Variants in RORA observed in about 807,000 individuals in gnomAD.
RORA encodes nuclear receptor ROR-alpha.
RORA carries 7 observed loss-of-function variants against 69.5 expected under a neutral mutation model. That is an observed-to-expected ratio of 0.10 (90% confidence interval 0.06 to 0.19). The LOEUF (loss-of-function observed/expected upper bound fraction) is 0.19. Ranked by LOEUF, RORA falls within the 10% of genes least tolerant of loss-of-function variation. RORA has a pLI of 1.00. For synonymous variants in RORA, 261 were observed against 240.8 expected (o/e 1.08, Z -0.78); for missense variants, 457 against 663.0 (o/e 0.69, Z 3.41).
intron 1 of RORA, among the ~76,000 whole-genome samples, chr15:60,718,464 C>CA (rs1193180186): frequency 6.6e-6 from 1 of 152,170 alleles, no homozygotes; most frequent in Non-Finnish European, 1.5e-5. Context: ...GTTAGATTTA[C>CA]AAATTGAATA....
chr15:60,624,029 G>A (rs984969532), intron 2 of RORA, among the ~76,000 whole-genome samples: 2 of 152,024 alleles, frequency 1.3e-5, no homozygotes, highest in African/African-American at 4.8e-5. Context: ...TGGAGAGTAG[G>A]GGGTGGGAAA....
chr15:61,055,387 A>C (rs1311766312), intron 1 of RORA, among the ~76,000 whole-genome samples: 1 of 152,120 alleles, frequency 6.6e-6, no homozygotes, highest in Non-Finnish European at 1.5e-5. Flanking sequence ...CCACAGTGAG[A>C]ATTAATATTT....
At position 60,707,658 on chromosome 15, in the gene RORA, T is replaced by C. The variant is rs370078982; in HGVS notation, c.167-28972A>G. 1.3e-3 allele frequency among the ~76,000 whole-genome samples: 200 copies of C among 152,312 alleles called. 1 individual carries two copies. The highest frequency in any genetic ancestry group is 4.6e-3 in the African/African-American group (192 of 41,576). ...GATTACAGGCGTGAGCCACCGCACC[T>C]GGCCCACGGTCATCTATTTCTTGAA... is the stretch of plus-strand genomic sequence containing the variant. On this transcript the variant is annotated intron_variant, in intron 1 of 10. Coordinates refer to ENST00000335670, the MANE Select transcript of RORA (RefSeq NM_134261.3).
chr15:61,004,233 G>T (rs767627240), intron 1 of RORA, among the ~76,000 whole-genome samples: 3 of 151,810 alleles, frequency 2.0e-5, no homozygotes, highest in Non-Finnish European at 4.4e-5. Flanking sequence ...GAGGGGAGGA[G>T]TAGAAAGAAA....
Position 60,592,690 on chromosome 15 carries a change from G to T in RORA, c.197-60839C>A, listed in dbSNP as rs2068568349. On this transcript the variant is annotated intron_variant, in intron 2 of 10. Transcript: ENST00000335670. ...GCGCCCCAGCGCCGCGCCCCGCCCC[G>T]CCCCCGCGGGCAGGTGAGTAGCAGC... 4 of 1,045,522 alleles carry T rather than the reference G, an allele frequency of 3.8e-6. No individual in the cohort carries two copies. The East Asian group carries it at 2.8e-4, about 73-fold the overall frequency. The allele number at this position is 1,045,522 out of a possible 1,614,324, so 64.8% of individuals were successfully genotyped here. A position where few individuals can be genotyped will look rare whatever the true frequency, so the allele number is the denominator to read the frequency against.
intron 2 of RORA, among the ~76,000 whole-genome samples, chr15:60,618,625 A>C (rs752204385): frequency 6.6e-6 from 1 of 152,246 alleles, no homozygotes; most frequent in African/African-American, 2.4e-5. Context: ...GGCAGGATAC[A>C]TAGGTAACAT....
At chr15:60,944,694 CAAAAAAAAAA>C (rs58523588) in intron 1 of RORA, among the ~76,000 whole-genome samples, 2,456 of 96,444 alleles carry the variant, frequency 0.025, 36 homozygotes, top group Admixed American at 0.073. Flanking sequence ...CACTGTACTC[CAAAAAAAAAA>C]AAAAAAAAAA....
intron 1 of RORA, among the ~76,000 whole-genome samples, chr15:60,754,897 T>A (rs545597391): frequency 6.6e-6 from 1 of 152,176 alleles, no homozygotes; most frequent in South Asian, 2.1e-4. Context: ...CTGTGGAATG[T>A]GGGTTGTGTA....
intron 1 of RORA, among the ~76,000 whole-genome samples, chr15:61,210,817 G>A (rs927283095): frequency 6.6e-6 from 1 of 152,208 alleles, no homozygotes; most frequent in African/African-American, 2.4e-5. Context: ...CAGATCCATA[G>A]CATTTTGCAA....
chr15:61,121,159 T>A (rs1432166070), intron 1 of RORA, among the ~76,000 whole-genome samples: 2 of 152,116 alleles, frequency 1.3e-5, no homozygotes, highest in African/African-American at 2.4e-5. Flanking sequence ...CAATTAAGCC[T>A]TACTTCTGAT....
chr15:61,072,106 T>C (rs1037381030), intron 1 of RORA, among the ~76,000 whole-genome samples: 1 of 152,200 alleles, frequency 6.6e-6, no homozygotes, highest in African/African-American at 2.4e-5. Flanking sequence ...AATAGAACTC[T>C]AACTACAGTA....
chr15:61,015,346 A>G (rs1895243277), intron 1 of RORA, among the ~76,000 whole-genome samples: 2 of 152,212 alleles, frequency 1.3e-5, no homozygotes, highest in Admixed American at 1.3e-4. Flanking sequence ...AAAAATGCAT[A>G]TCAAAATGTA....
chr15:60,655,253 C>A (rs2070203145), intron 2 of RORA, among the ~76,000 whole-genome samples: 2 of 152,130 alleles, frequency 1.3e-5, no homozygotes, highest in Admixed American at 1.3e-4. Flanking sequence ...AAAATTCTCT[C>A]TTTCTTAGGA....
chr15:60,754,881 T>G (rs2071774680), intron 1 of RORA, among the ~76,000 whole-genome samples: 1 of 152,158 alleles, frequency 6.6e-6, no homozygotes, highest in South Asian at 2.1e-4. Flanking sequence ...TCTTTCCTTC[T>G]AATGTCTGTG....
chr15:60,724,015 C>A (rs1406224993), intron 1 of RORA, among the ~76,000 whole-genome samples: 2 of 152,132 alleles, frequency 1.3e-5, no homozygotes, highest in Non-Finnish European at 2.9e-5. Context: ...AGCAAATGTA[C>A]CAAATCTGAT....
At chr15:60,624,056 G>A (rs2140632249) in intron 2 of RORA, among the ~76,000 whole-genome samples, 1 of 152,164 alleles carries the variant, frequency 6.6e-6, no homozygotes, top group South Asian at 2.1e-4. Context: ...GGAGGCCTAT[G>A]GTGGGGTGAC....
intron 1 of RORA, among the ~76,000 whole-genome samples, chr15:61,218,076 T>A (rs1393022139): frequency 6.6e-6 from 1 of 151,992 alleles, no homozygotes; most frequent in African/African-American, 2.4e-5. Context: ...CATAAATAGA[T>A]CATGAAACCA....
chr15:60,555,664 A>C (rs1472751537), intron 2 of RORA, among the ~76,000 whole-genome samples: 1 of 152,166 alleles, frequency 6.6e-6, no homozygotes, highest in African/African-American at 2.4e-5. Flanking sequence ...AAGTACCCTA[A>C]GAATGAAGTG....
chr15:61,089,568 C>T (rs910486290), intron 1 of RORA, among the ~76,000 whole-genome samples: 1 of 152,154 alleles, frequency 6.6e-6, no homozygotes, highest in Non-Finnish European at 1.5e-5. Flanking sequence ...ACAGGCCATC[C>T]TTGGAGATCA....
Sources: gnomAD v4.1 joint callset for allele counts (sites outside exome capture counted in the v4.1 genomes callset) on GRCh38, gnomAD v4.1.1 for gene constraint, MANE v1.5 for transcripts, NCBI Gene and HGNC (gene_info 2026-07-23, HGNC 2026-07-21) for gene names.